The following MRTFB variants were observed in gnomAD, a reference collection of about 807,000 sequenced individuals.
MRTFB encodes the protein myocardin-related transcription factor B.
MRTFB carries 29 observed loss-of-function variants against 104.2 expected under a neutral mutation model. That is an observed-to-expected ratio of 0.28 (90% CI 0.21 to 0.38). The LOEUF is 0.38. Ranked by LOEUF, MRTFB falls within the 10% of genes least tolerant of loss-of-function variation. The pLI, the probability that MRTFB is intolerant of heterozygous loss-of-function variation, is 1.00. For missense variants in MRTFB, 1,270 were observed against 1,341.6 expected, an observed-to-expected ratio of 0.95 and a Z score of 0.83; for synonymous variants, 535 against 519.5, an observed-to-expected ratio of 1.03 and a Z score of -0.41.
At chr16:14,246,055 A>T (rs896867966) in intron 11 of MRTFB, among the ~76,000 whole-genome samples, 3 of 150,972 alleles carry the variant, frequency 2.0e-5, no homozygotes, top group Non-Finnish European at 2.9e-5. Flanking sequence ...TGAGTGCTTC[A>T]GCCTCTCTCT....
At chr16:14,235,232 G>A (rs2042444491) in intron 9 of MRTFB, among the ~76,000 whole-genome samples, 1 of 152,230 alleles carries the variant, frequency 6.6e-6, no homozygotes, top group African/African-American at 2.4e-5. Flanking sequence ...CCTTTCTGGA[G>A]AGAAGGCCCT....
chr16:14,203,868 A>G (rs530922025), intron 3 of MRTFB, among the ~76,000 whole-genome samples: 1 of 152,082 alleles, frequency 6.6e-6, no homozygotes, highest in South Asian at 2.1e-4. Flanking sequence ...GAGGAAAGAC[A>G]TATCTTGGTT....
At position 14,247,184 on chromosome 16, in the gene MRTFB, G is replaced by A; in HGVS notation, c.1924G>A (p.Ala642Thr). The A allele has an allele frequency of 1.2e-6, 2 of 1,614,116 alleles. No individual in the cohort carries two copies. Among genetic ancestry groups the A allele is most frequent in the Non-Finnish European group, 1.7e-6 (2 of 1,180,032 alleles). Residue 642 changes from alanine (A) to threonine (T), a missense_variant, in exon 12 of 17, where the codon GCC becomes ACC. By Grantham distance (58) the Ala-to-Thr change is moderately conservative. Around this residue, in one of 3 missense-constraint regions of MRTFB, gnomAD observed 1,144 missense variants for 1,131.5 expected, o/e 1.01. Transcript: ENST00000571589. ...GSLGSSIKDE[A>T]SLPDCSSSRQ... ...CCTTGGCTCCTCCATCAAAGATGAGGCCTCACTCCCTGACTGCTCCAGCTC... is the reference window on the plus strand; with the variant it reads ...CCTTGGCTCCTCCATCAAAGATGAGACCTCACTCCCTGACTGCTCCAGCTC...
chr16:14,023,657 ATGTGTGTGTGTGTGTGTGTC>A, the MRTFB span, among the ~76,000 whole-genome samples: 1 of 145,022 alleles, frequency 6.9e-6, no homozygotes, highest in African/African-American at 2.6e-5. Flanking sequence ...ATACATATTT[ATGTGTGTGTGTGTGTGTGTC>A]TATATATATA....
chr16:14,054,063 T>C, the MRTFB span, among the ~76,000 whole-genome samples: 1 of 152,180 alleles, frequency 6.6e-6, no homozygotes, highest in African/African-American at 2.4e-5. Context: ...AATCAACTTA[T>C]GGCCTAGTGT....
chr16:14,000,484 T>C, the MRTFB span, among the ~76,000 whole-genome samples: 2 of 152,232 alleles, frequency 1.3e-5, no homozygotes, highest in Admixed American at 1.3e-4. Context: ...CATTTCCCAG[T>C]TGGGAAAAGC....
At chr16:14,039,061 G>A in the MRTFB span, among the ~76,000 whole-genome samples, 1 of 152,184 alleles carries the variant, frequency 6.6e-6, no homozygotes, top group African/African-American at 2.4e-5. Flanking sequence ...ACAACATGTG[G>A]GAATTATGGG....
intron 3 of MRTFB, among the ~76,000 whole-genome samples, chr16:14,202,282 G>A (rs1453593997): frequency 6.6e-6 from 1 of 152,142 alleles, no homozygotes; most frequent in African/African-American, 2.4e-5. Flanking sequence ...TCTAACAGTG[G>A]TTACCTCTGG....
At chr16:14,074,780 C>A (rs1196276234) in intron 1 of MRTFB, among the ~76,000 whole-genome samples, 1 of 152,076 alleles carries the variant, frequency 6.6e-6, no homozygotes, top group East Asian at 1.9e-4. Context: ...ATTTCTGGAC[C>A]CTTCCATTTA....
intron 2 of MRTFB, among the ~76,000 whole-genome samples, chr16:14,127,425 G>A (rs1334797754): frequency 2.0e-5 from 3 of 151,952 alleles, no homozygotes; most frequent in Non-Finnish European, 2.9e-5. Flanking sequence ...GGTGGATCAC[G>A]AGGTCAGGAG....
chr16:14,221,723 G>T (rs1486270287), intron 8 of MRTFB, among the ~76,000 whole-genome samples: 1 of 150,980 alleles, frequency 6.6e-6, no homozygotes, highest in Non-Finnish European at 1.5e-5. Context: ...CTGTTGACCA[G>T]TCCTCGAATT....
chr16:14,042,829 G>C, the MRTFB span, among the ~76,000 whole-genome samples: 1 of 152,186 alleles, frequency 6.6e-6, no homozygotes, highest in Non-Finnish European at 1.5e-5. Flanking sequence ...AGAAGGAAGC[G>C]GTATCCTTGC....
At chr16:14,013,063 G>A in the MRTFB span, 1 of 152,184 alleles carries the variant, frequency 6.6e-6, no homozygotes, top group Non-Finnish European at 1.5e-5. Context: ...TCACTCCTCT[G>A]GGAATTGCTA....
the MRTFB span, among the ~76,000 whole-genome samples, chr16:14,035,036 C>T: frequency 2.0e-5 from 3 of 152,180 alleles, no homozygotes; most frequent in Admixed American, 6.5e-5. Context: ...GAAACATGGT[C>T]GGAAAGTACC....
At position 14,266,119 on chromosome 16, in the gene MRTFB, G is replaced by T. The variant is rs1310163119; in HGVS notation, c.*4675G>T. Reference sequence around the variant, plus strand: ...ATTGCCAAGTATTTGCCAAAAGGAGGCACTTTTTATTTAAAATTTGAGACT... The same window carrying T: ...ATTGCCAAGTATTTGCCAAAAGGAGTCACTTTTTATTTAAAATTTGAGACT... On this transcript the variant is annotated 3_prime_UTR_variant, in exon 17 of 17. Transcript: ENST00000571589. 2.0e-5 allele frequency: 3 copies of T among 152,080 alleles called. No individual in the cohort carries two copies. Among genetic ancestry groups the T allele is most frequent in the African/African-American group, 7.2e-5 (3 of 41,396 alleles). 9.4% of individuals were successfully genotyped at this position (152,080 alleles called of 1,614,324 possible). A position where few individuals can be genotyped will look rare whatever the true frequency, so the allele number is the denominator to read the frequency against.
chr16:14,007,188 G>A, the MRTFB span, among the ~76,000 whole-genome samples: 2 of 152,074 alleles, frequency 1.3e-5, no homozygotes, highest in Middle Eastern at 3.4e-3. Context: ...AAAGAAACAC[G>A]GCCACCTTCT....
intron 15 of MRTFB, among the ~76,000 whole-genome samples, chr16:14,256,175 G>A (rs1386317999): frequency 6.5e-5 from 7 of 108,306 alleles, no homozygotes; most frequent in East Asian, 3.0e-4. Context: ...TTTAAGGACA[G>A]GAAAGAAAAA....
At position 14,099,166 on chromosome 16, in the gene MRTFB, C is replaced by T. The variant is rs143043798; in HGVS notation, c.-64+19812C>T. ...TGATAGTCAGTTTGGAGAGAATTGA[C>T]TTCTTAACAACATTAAGTCTGGGTC... On this transcript the variant is annotated intron_variant, in intron 2 of 16. Transcript: ENST00000571589. 6.6e-5 allele frequency among the ~76,000 whole-genome samples: 10 copies of T among 152,212 alleles called. No homozygotes were observed. In the East Asian group the frequency reaches 1.9e-3, roughly 29 times the overall value.
intron 8 of MRTFB, among the ~76,000 whole-genome samples, chr16:14,233,421 T>C (rs2042351571): frequency 1.3e-5 from 2 of 152,116 alleles, no homozygotes; most frequent in Admixed American, 1.3e-4. Flanking sequence ...TCGAGTGTGA[T>C]GCAGGGAAGC....
Sources: gnomAD v4.1 joint callset for allele counts (sites outside exome capture counted in the v4.1 genomes callset) on GRCh38, gnomAD v4.1.1 for gene constraint, gnomAD v4.1.1 regional missense constraint, MANE v1.5 for transcripts, NCBI Gene and HGNC (gene_info 2026-07-23, HGNC 2026-07-21) for gene names.